The following CNTNAP2 variants were observed in gnomAD, a reference collection of about 807,000 sequenced individuals.
The protein encoded by CNTNAP2 is contactin associated protein 2.
CNTNAP2 carries 98 observed loss-of-function variants against 155.2 expected under a neutral mutation model. That is an observed-to-expected ratio of 0.63 (90% CI 0.54 to 0.75). The LOEUF is 0.75. CNTNAP2 is among the 30% of genes least tolerant of loss of function. The pLI is 0.00. For synonymous variants in CNTNAP2, 651 were observed against 631.2 expected (o/e 1.03, Z -0.47); for missense variants, 1,727 against 1,688.1 (o/e 1.02, Z -0.40).
chr7:146,164,592 C>CA (rs1367211093), intron 1 of CNTNAP2, among the ~76,000 whole-genome samples: 2 of 152,196 alleles, frequency 1.3e-5, no homozygotes, highest in African/African-American at 4.8e-5. Context: ...TGAATACCAT[C>CA]AGTAGGTCTA....
At chr7:148,133,851 A>T (rs1267728010) in intron 16 of CNTNAP2, 1 of 152,186 alleles carries the variant, frequency 6.6e-6, no homozygotes, top group Non-Finnish European at 1.5e-5. Context: ...GTAAACTTTA[A>T]AGACACCAAG....
At chr7:146,672,164 C>T (rs12703831) in intron 1 of CNTNAP2, among the ~76,000 whole-genome samples, 90,842 of 152,010 alleles carry the variant, frequency 0.6, 31,203 homozygotes, top group South Asian at 0.85. Flanking sequence ...ACACACCCAT[C>T]AGAGATGCTC....
At chr7:146,150,007 A>G (rs909831000) in intron 1 of CNTNAP2, among the ~76,000 whole-genome samples, 3 of 152,134 alleles carry the variant, frequency 2.0e-5, no homozygotes, top group African/African-American at 7.2e-5. Flanking sequence ...ATGGGAGAAA[A>G]TATTCACACT....
intron 14 of CNTNAP2, among the ~76,000 whole-genome samples, chr7:147,956,342 G>A (rs571898996): frequency 1.3e-5 from 2 of 149,714 alleles, no homozygotes; most frequent in East Asian, 2.0e-4. Flanking sequence ...CACATCAATC[G>A]AACTGTTTTC....
At chr7:148,285,006 A>C (rs536214001) in intron 21 of CNTNAP2, among the ~76,000 whole-genome samples, 1 of 152,368 alleles carries the variant, frequency 6.6e-6, no homozygotes, top group South Asian at 2.1e-4. Flanking sequence ...AGAATAGAGC[A>C]GTTGTAGAAA....
At chr7:146,584,584 T>A (rs1471703049) in intron 1 of CNTNAP2, among the ~76,000 whole-genome samples, 1 of 152,202 alleles carries the variant, frequency 6.6e-6, no homozygotes, top group East Asian at 1.9e-4. Context: ...TACAGAAATC[T>A]ACATTCACAT....
intron 1 of CNTNAP2, among the ~76,000 whole-genome samples, chr7:146,494,289 G>T (rs1393934049): frequency 1.3e-5 from 2 of 151,648 alleles, no homozygotes; most frequent in South Asian, 2.1e-4. Flanking sequence ...AGCAGAGATC[G>T]CACCACTGCA....
chr7:147,709,669 T>C (rs1177820942), intron 13 of CNTNAP2, among the ~76,000 whole-genome samples: 1 of 152,126 alleles, frequency 6.6e-6, no homozygotes, highest in African/African-American at 2.4e-5. Flanking sequence ...GTTTTCAAGG[T>C]TAGAGTCCCT....
At chr7:146,473,114 T>C (rs1194680377) in intron 1 of CNTNAP2, among the ~76,000 whole-genome samples, 1 of 151,828 alleles carries the variant, frequency 6.6e-6, no homozygotes, top group Non-Finnish European at 1.5e-5. Context: ...ATCATGAGAG[T>C]TGTCCGTGAT....
At chr7:147,145,879 A>T (rs1169161377) in intron 8 of CNTNAP2, among the ~76,000 whole-genome samples, 2 of 152,194 alleles carry the variant, frequency 1.3e-5, no homozygotes, top group Non-Finnish European at 2.9e-5. Flanking sequence ...TTCTCCCGGT[A>T]CACACTTTAT....
At chr7:148,090,423 A>T (rs1368854454) in intron 15 of CNTNAP2, among the ~76,000 whole-genome samples, 1 of 152,122 alleles carries the variant, frequency 6.6e-6, no homozygotes, top group Non-Finnish European at 1.5e-5. Flanking sequence ...GAAAACAAAT[A>T]ACTTGATTTA....
chr7:147,573,378 T>TTTTTTAA (rs1168569240), intron 12 of CNTNAP2, among the ~76,000 whole-genome samples: 5 of 152,204 alleles, frequency 3.3e-5, no homozygotes, highest in African/African-American at 1.2e-4. Flanking sequence ...AGGCAAAAAC[T>TTTTTTAA]TGCTGTATCA....
At chr7:148,322,735 C>T (rs12704007) in intron 21 of CNTNAP2, among the ~76,000 whole-genome samples, 146,464 of 151,382 alleles carry the variant, frequency 0.97, 70,897 homozygotes, top group East Asian at 1. Flanking sequence ...CCATTCAAGC[C>T]GTTCTCCAAG....
chr7:146,695,570 C>A (rs1800768384), intron 1 of CNTNAP2, among the ~76,000 whole-genome samples: 1 of 151,840 alleles, frequency 6.6e-6, no homozygotes. Context: ...ACTACCATGC[C>A]CAACTATTTG....
intron 11 of CNTNAP2, among the ~76,000 whole-genome samples, chr7:147,531,249 C>CT (rs2116725655): frequency 6.6e-6 from 1 of 152,280 alleles, no homozygotes; most frequent in South Asian, 2.1e-4. Flanking sequence ...GATGGTGGCC[C>CT]TCTTCTTACA....
intron 1 of CNTNAP2, among the ~76,000 whole-genome samples, chr7:146,404,054 G>A (rs936646573): frequency 6.9e-6 from 1 of 144,124 alleles, no homozygotes; most frequent in East Asian, 2.0e-4. Flanking sequence ...GAACCCGGGA[G>A]GCGGAGCTTG....
chr7:147,112,477 C>T (rs1472668388), intron 5 of CNTNAP2, among the ~76,000 whole-genome samples: 1 of 152,070 alleles, frequency 6.6e-6, no homozygotes, highest in Non-Finnish European at 1.5e-5. Flanking sequence ...TCCAGCTTTT[C>T]CCCATTCAGT....
chr7:147,891,481 G>A (rs1174724365), intron 13 of CNTNAP2, among the ~76,000 whole-genome samples: 9 of 152,230 alleles, frequency 5.9e-5, no homozygotes, highest in Non-Finnish European at 1.2e-4. Flanking sequence ...GGGATTACAG[G>A]CATGAGCCAC....
chr7:148,325,227 C>A (rs1338007749), intron 21 of CNTNAP2, among the ~76,000 whole-genome samples: 1 of 152,196 alleles, frequency 6.6e-6, no homozygotes, highest in Non-Finnish European at 1.5e-5. Context: ...ATTTAAGCAT[C>A]TTTTCACGTT....
Sources: allele counts gnomAD v4.1 joint callset (sites outside exome capture counted in the v4.1 genomes callset), GRCh38; gene constraint gnomAD v4.1.1; transcripts MANE v1.5; gene names NCBI Gene and HGNC (gene_info 2026-07-23, HGNC 2026-07-21).